Variants in TMPRSS7 observed in about 807,000 individuals in gnomAD.
TMPRSS7 encodes transmembrane protease serine 7.
A neutral mutation model predicts 95.6 loss-of-function variants in TMPRSS7; 81 were observed. That is an observed-to-expected ratio of 0.85 (90% CI 0.71 to 1.02). The LOEUF (loss-of-function observed/expected upper bound fraction) is 1.02, where lower values mean the gene tolerates loss of function less well. Ranked by LOEUF, TMPRSS7 falls within the 50% of genes least tolerant of loss-of-function variation. The pLI, the probability that TMPRSS7 is intolerant of heterozygous loss-of-function variation, is 0.00. For missense variants in TMPRSS7, 945 were observed against 955.2 expected, an observed-to-expected ratio of 0.99 and a Z score of 0.14; for synonymous variants, 364 against 337.8, an observed-to-expected ratio of 1.08 and a Z score of -0.85.
chr3:112,047,923 C>G (rs2073299970), exon 7 of TMPRSS7: 12 of 1,614,082 alleles, frequency 7.4e-6, no homozygotes, highest in Non-Finnish European at 1.0e-5. Flanking sequence ...ACTCCCTGAC[C>G]ATTTACGACT....
At chr3:112,058,125 C>T (rs1179311903) in intron 10 of TMPRSS7, among the ~76,000 whole-genome samples, 1 of 152,226 alleles carries the variant, frequency 6.6e-6, no homozygotes, top group African/African-American at 2.4e-5. Context: ...GGATTTGCTG[C>T]TACTTCTTTG....
intron 13 of TMPRSS7, among the ~76,000 whole-genome samples, chr3:112,068,590 T>G (rs1176868349): frequency 1.3e-5 from 2 of 152,238 alleles, no homozygotes; most frequent in African/African-American, 4.8e-5. Context: ...GTAGCAATTG[T>G]GAATGGGAGT....
intron 9 of TMPRSS7, among the ~76,000 whole-genome samples, chr3:112,051,913 T>C (rs1220019380): frequency 2.6e-5 from 4 of 152,118 alleles, no homozygotes; most frequent in Non-Finnish European, 5.9e-5. Flanking sequence ...AGCAGTATGT[T>C]GTTTGCGTTT....
At chr3:112,072,343 C>T (rs2073658737) in intron 13 of TMPRSS7, among the ~76,000 whole-genome samples, 2 of 152,172 alleles carry the variant, frequency 1.3e-5, no homozygotes, top group Admixed American at 6.5e-5. Flanking sequence ...CTGGAAGCTT[C>T]GTCCCAGAGG....
chr3:112,037,974 T>C (rs761503153), intron 1 of TMPRSS7, 98 bp from the exon 2 acceptor site: 8 of 633,602 alleles, frequency 1.3e-5, no homozygotes, highest in Non-Finnish European at 2.0e-5. Flanking sequence ...AATAGTCATA[T>C]TTAGGCCTTT....
At chr3:112,080,527 CACTACTACTACTACT>C (rs34943450) in intron 17 of TMPRSS7, among the ~76,000 whole-genome samples, 5 of 145,934 alleles carry the variant, frequency 3.4e-5, no homozygotes. Flanking sequence ...TTTTAGCCCT[CACTACTACTACTACT>C]ACTACCACCA....
intron 10 of TMPRSS7, among the ~76,000 whole-genome samples, chr3:112,060,599 G>A (rs889099704): frequency 2.6e-5 from 4 of 152,146 alleles, no homozygotes; most frequent in Non-Finnish European, 2.9e-5. Context: ...GCTCACCAGC[G>A]GTCAGAGTTT....
At chr3:112,034,937 A>G in intron 1 of TMPRSS7, 44 bp downstream of exon 1, 1 of 702,466 alleles carries the variant, frequency 1.4e-6, no homozygotes. Flanking sequence ...AATGCCATTT[A>G]TTGTTGACCC....
At chr3:112,059,591 C>T (rs967239830) in intron 10 of TMPRSS7, among the ~76,000 whole-genome samples, 1 of 152,196 alleles carries the variant, frequency 6.6e-6, no homozygotes, top group African/African-American at 2.4e-5. Flanking sequence ...GCACAGGATT[C>T]TGATCTCAAG....
At position 112,057,687 on chromosome 3, in the gene TMPRSS7, T is replaced by C. The variant is rs533381894; in HGVS notation, c.1310+556T>C. Among the ~76,000 whole-genome samples the C allele has an allele frequency of 5.3e-5, 8 of 152,318 alleles. No individual in the cohort carries two copies. The East Asian group carries it at 7.7e-4, about 15-fold the overall frequency. ...CCTTCTAAATCTATAACAGATTACA[T>C]AGGCACTGAATTAAATAGTTTTGTT... is the stretch of plus-strand genomic sequence containing the variant. On this transcript the variant is annotated intron_variant, in intron 10 of 17. Transcript: ENST00000452346.
intron 9 of TMPRSS7, among the ~76,000 whole-genome samples, chr3:112,054,543 C>A (rs17443294): frequency 0.24 from 35,692 of 151,814 alleles, 4,370 homozygotes; most frequent in Middle Eastern, 0.28. Context: ...GGACTCATTT[C>A]TTTTCACTAT....
chr3:112,076,732 G>A, intron 15 of TMPRSS7, 144 bp from the exon 16 acceptor site: 2 of 948,992 alleles, frequency 2.1e-6, no homozygotes, highest in Non-Finnish European at 3.1e-6. Context: ...TTCTGCCATG[G>A]TCCCCGGACA....
At chr3:112,057,124 G>C in exon 10 of TMPRSS7, 1 of 1,606,462 alleles carries the variant, frequency 6.2e-7, no homozygotes, top group East Asian at 2.2e-5. Flanking sequence ...GGAAATTAAT[G>C]AGCACATGTA....
chr3:112,064,818 G>C (rs2073554368), intron 12 of TMPRSS7, among the ~76,000 whole-genome samples: 1 of 152,058 alleles, frequency 6.6e-6, no homozygotes, highest in South Asian at 2.1e-4. Context: ...CCTCATTCTT[G>C]AATCTATCTC....
chr3:112,041,071 T>C (rs74284564), intron 2 of TMPRSS7, among the ~76,000 whole-genome samples: 9,357 of 132,684 alleles, frequency 0.071, 565 homozygotes, highest in East Asian at 0.28. Flanking sequence ...TTTTAGAGTC[T>C]GCAACCAAAA....
chr3:112,038,431 C>G, intron 2 of TMPRSS7, 110 bp downstream of exon 2: 1 of 611,776 alleles, frequency 1.6e-6, no homozygotes, highest in South Asian at 2.0e-5. Flanking sequence ...TTTCCTTTTT[C>G]CAATATGGAT....
chr3:112,055,451 GCAGACACACACA>G lies in TMPRSS7; in HGVS notation c.1204-1559_1204-1548del, dbSNP rs1387361453. 3.0e-4 allele frequency among the ~76,000 whole-genome samples: 14 copies of G among 47,426 alleles called. No homozygotes were observed. The South Asian group carries it at 0.021, about 71-fold the overall frequency. 31.1% of individuals were successfully genotyped at this position (47,426 alleles called of 152,430 possible). On this transcript the variant is annotated intron_variant, in intron 9 of 17. Coordinates refer to ENST00000452346, the Ensembl canonical transcript of TMPRSS7. The stretch of plus-strand genomic sequence containing the variant: ...ACATTGGAAACAAGCAAACACTTGC[GCAGACACACACA>G]CAGACACACACACACACAGCATAAC...
chr3:112,046,475 A>G (rs1240448112), intron 5 of TMPRSS7, among the ~76,000 whole-genome samples: 1 of 152,166 alleles, frequency 6.6e-6, no homozygotes, highest in Non-Finnish European at 1.5e-5. Flanking sequence ...TACATATATG[A>G]ACATGTTATA....
chr3:112,075,384 G>A (rs767846857), exon 15 of TMPRSS7: 2 of 1,524,922 alleles, frequency 1.3e-6, no homozygotes, highest in Admixed American at 2.0e-5. Context: ...CTGGAGGGGG[G>A]TTGGCCGTGG....
Sources: allele counts gnomAD v4.1 joint callset (sites outside exome capture counted in the v4.1 genomes callset), GRCh38; gene constraint gnomAD v4.1.1; transcripts MANE v1.5; gene names NCBI Gene and HGNC (gene_info 2026-07-23, HGNC 2026-07-21).